DYNC2I2: variants seen among roughly 807,000 people sequenced by gnomAD.
The protein encoded by DYNC2I2 is dynein 2 intermediate chain 2.
A neutral mutation model predicts 52.0 loss-of-function variants in DYNC2I2; 39 were observed. The observed-to-expected ratio is 0.75, with a 90% CI of 0.58 to 0.98. DYNC2I2 has a LOEUF of 0.98. DYNC2I2 is among the 50% of genes least tolerant of loss of function. The pLI is 0.00. For missense variants in DYNC2I2, 743 were observed against 728.4 expected (o/e 1.02, Z -0.23); for synonymous variants, 359 against 321.1 (o/e 1.12, Z -1.26).
At chr9:128,655,432 A>G (rs1860800429) in intron 1 of DYNC2I2, among the ~76,000 whole-genome samples, 1 of 144,952 alleles carries the variant, frequency 6.9e-6, no homozygotes, top group South Asian at 2.2e-4. Context: ...AATGGCATAA[A>G]CCCGGGAGGC....
intron 4 of DYNC2I2, 122 bp downstream of exon 4, chr9:128,636,159 A>C (rs1414718195): frequency 2.1e-6 from 3 of 1,420,626 alleles, no homozygotes; most frequent in East Asian, 5.0e-5. Context: ...CCAGACTGAG[A>C]GGGTCAGGGC....
rs749848513 is a variant in DYNC2I2 at position 128,635,101 on chromosome 9, C to G, written c.972G>C (p.Lys324Asn). 17 of 1,611,506 alleles carry G rather than the reference C, an allele frequency of 1.1e-5. No individual in the cohort carries two copies. Among genetic ancestry groups the G allele is most frequent in the Non-Finnish European group, 1.4e-5 (16 of 1,178,732 alleles). ...LVMQQLPRST[K>N]LKKHPRGETE... ...CCGGGTGCCCACGTACCTTCTTGAG[C>G]TTGGTGCTCCGTGGCAGCTGCTGCA... is the stretch of plus-strand genomic sequence containing the variant. The change falls in exon 6 of 9, where the codon AAG (lysine) becomes AAC (asparagine). Residue 324 changes from lysine (K) to asparagine (N), a missense_variant. Coordinates refer to ENST00000372715, the MANE Select transcript of DYNC2I2 (RefSeq NM_052844.4).
At chr9:128,643,857 C>A (rs1860563299) in intron 1 of DYNC2I2, among the ~76,000 whole-genome samples, 1 of 152,166 alleles carries the variant, frequency 6.6e-6, no homozygotes, top group African/African-American at 2.4e-5. Flanking sequence ...GATGCCTCAG[C>A]CACCCACGGG....
chr9:128,649,013 C>A (rs1860674501), intron 1 of DYNC2I2, among the ~76,000 whole-genome samples: 1 of 152,130 alleles, frequency 6.6e-6, no homozygotes, highest in Non-Finnish European at 1.5e-5. Context: ...GAGACTCACC[C>A]CTGCCCTCAA....
At chr9:128,653,955 G>A (rs576768971) in intron 1 of DYNC2I2, among the ~76,000 whole-genome samples, 19 of 152,288 alleles carry the variant, frequency 1.2e-4, no homozygotes, top group African/African-American at 3.4e-4. Context: ...AGCTTGCAGC[G>A]AGCCGAGATT....
At chr9:128,684,023 A>T in the DYNC2I2 span, 1 of 1,519,728 alleles carries the variant, frequency 6.6e-7, no homozygotes, top group Non-Finnish European at 8.9e-7. Flanking sequence ...TTTCTGCGCT[A>T]AGTTTTATTG....
the DYNC2I2 span, among the ~76,000 whole-genome samples, chr9:128,680,320 CA>C: frequency 1.3e-5 from 2 of 151,976 alleles, no homozygotes; most frequent in Non-Finnish European, 2.9e-5. Context: ...CTCGGCCTCC[CA>C]AAGTGCTGGG....
At position 128,633,962 on chromosome 9, in the gene DYNC2I2, G is replaced by A. The variant is rs1398209028; in HGVS notation, c.1393C>T (p.Leu465Phe). The change falls in exon 9 of 9, where the codon CTC (leucine) becomes TTC (phenylalanine). Residue 465 changes from leucine to phenylalanine, a missense_variant. Physicochemically the swap from Leu to Phe is conservative, Grantham distance 22. Coordinates refer to ENST00000372715, the MANE Select transcript of DYNC2I2 (RefSeq NM_052844.4). ...SGKGDVQLFD[L>F]QKSSQKPTVL... ...GTGGGTTTCTGGGAGCTTTTCTGGA[G>A]ATCAAACAGCTGCACGTCACCTGCA... The A allele has an allele frequency of 1.9e-6, 3 of 1,613,044 alleles. No homozygotes were observed. Among genetic ancestry groups the A allele is most frequent in the Non-Finnish European group, 1.7e-6 (2 of 1,180,034 alleles).
intron 1 of DYNC2I2, 151 bp from the exon 2 acceptor site, chr9:128,641,090 G>A: frequency 3.9e-6 from 5 of 1,279,782 alleles, no homozygotes; most frequent in Non-Finnish European, 4.2e-6. Context: ...GTTGGAGATG[G>A]CCCCTTGATT....
At position 128,640,869 on chromosome 9, in the gene DYNC2I2, TG is replaced by T. The variant is rs770506724; in HGVS notation, c.256del (p.Gln86ArgfsTer38). The T allele has an allele frequency of 6.2e-6, 10 of 1,613,518 alleles. No homozygotes were observed. Among genetic ancestry groups the T allele is most frequent in the Non-Finnish European group, 8.5e-6 (10 of 1,179,794 alleles). ...SAQARNHVDA[Q>X]VQTEAPVPVS... The stretch of plus-strand genomic sequence containing the variant: ...AGGCACGGGGGCCTCCGTCTGCACC[TG>T]GGCGTCCACATGATTCCTGGCCTGG... On this transcript the variant is annotated frameshift_variant, in exon 2 of 9. Transcript: ENST00000372715. LOFTEE classifies it high-confidence loss of function.
chr9:128,672,603 C>A, the DYNC2I2 span, among the ~76,000 whole-genome samples: 1 of 149,846 alleles, frequency 6.7e-6, no homozygotes, highest in Admixed American at 6.7e-5. Flanking sequence ...ATCTATGCTT[C>A]TGGGGAGAAA....
the DYNC2I2 span, among the ~76,000 whole-genome samples, chr9:128,677,310 TC>T: frequency 2.0e-5 from 3 of 151,168 alleles, no homozygotes; most frequent in Non-Finnish European, 4.4e-5. Flanking sequence ...ATAGTGAAAC[TC>T]CATCTCTACT....
chr9:128,663,895 C>T, the DYNC2I2 span, among the ~76,000 whole-genome samples: 3 of 149,102 alleles, frequency 2.0e-5, no homozygotes, highest in African/African-American at 7.4e-5. Context: ...TCAAGCGATT[C>T]GTCTGCCTCG....
chr9:128,644,659 A>G (rs1326673944), intron 1 of DYNC2I2, among the ~76,000 whole-genome samples: 7 of 152,122 alleles, frequency 4.6e-5, no homozygotes, highest in African/African-American at 1.7e-4. Context: ...ACACGTGCGA[A>G]GCTGGGCCGC....
At chr9:128,643,597 T>C (rs1210113692) in intron 1 of DYNC2I2, among the ~76,000 whole-genome samples, 1 of 148,168 alleles carries the variant, frequency 6.7e-6, no homozygotes, top group Non-Finnish European at 1.5e-5. Flanking sequence ...AAGGCTAAAG[T>C]GTGAAGATTG....
chr9:128,683,660 C>A, the DYNC2I2 span: 1 of 451,098 alleles, frequency 2.2e-6, no homozygotes. Flanking sequence ...CAAGAGTGCC[C>A]CTGCAGAGCG....
chr9:128,677,788 A>G, the DYNC2I2 span, among the ~76,000 whole-genome samples: 1 of 152,098 alleles, frequency 6.6e-6, no homozygotes, highest in African/African-American at 2.4e-5. Flanking sequence ...AGGCTGGGCT[A>G]CAAGAGGGAA....
intron 1 of DYNC2I2, among the ~76,000 whole-genome samples, chr9:128,649,284 A>G (rs1208562502): frequency 6.6e-6 from 1 of 152,072 alleles, no homozygotes; most frequent in Non-Finnish European, 1.5e-5. Flanking sequence ...GACTCTACAG[A>G]ATTTTCCAAA....
chr9:128,660,577 A>G (rs1044682943), upstream of DYNC2I2, among the ~76,000 whole-genome samples: 2 of 151,746 alleles, frequency 1.3e-5, no homozygotes, highest in African/African-American at 4.8e-5. Flanking sequence ...TTGTATGTTC[A>G]GTAGAGACAG....
Sources: gnomAD v4.1 joint callset for allele counts (sites outside exome capture counted in the v4.1 genomes callset) on GRCh38, gnomAD v4.1.1 for gene constraint, MANE v1.5 for transcripts, NCBI Gene and HGNC (gene_info 2026-07-23, HGNC 2026-07-21) for gene names.